CAPN13: variants seen among roughly 807,000 people sequenced by gnomAD.
CAPN13 encodes calpain 13, also known as calpain-13.
Under a neutral mutation model 98.4 loss-of-function variants are expected in CAPN13, and 90 were observed. The observed-to-expected ratio is 0.92, with a 90% confidence interval of 0.77 to 1.09. The LOEUF is 1.09. Among genes scored for constraint, CAPN13 ranks in the 50% least tolerant of loss-of-function variants. The probability of loss-of-function intolerance (pLI) is 0.00; values close to 1 mark genes in which losing one functional copy is unlikely to be tolerated. For synonymous variants in CAPN13, 330 were observed against 305.5 expected (o/e 1.08, Z -0.84); for missense variants, 887 against 841.3 (o/e 1.05, Z -0.67).
At chr2:30,795,944 T>G (rs1674834385) in intron 1 of CAPN13, among the ~76,000 whole-genome samples, 2 of 151,834 alleles carry the variant, frequency 1.3e-5, no homozygotes, top group Non-Finnish European at 2.9e-5. Context: ...TAATAATATT[T>G]TTATGAAGTC....
chr2:30,744,982 C>G (rs76925693), intron 12 of CAPN13, among the ~76,000 whole-genome samples: 59 of 152,336 alleles, frequency 3.9e-4, no homozygotes, highest in African/African-American at 1.4e-3. Context: ...CAGATCCTGA[C>G]CCCCGCTCTG....
chr2:30,795,698 T>C (rs1674822114), intron 1 of CAPN13, among the ~76,000 whole-genome samples: 1 of 152,148 alleles, frequency 6.6e-6, no homozygotes, highest in Non-Finnish European at 1.5e-5. Flanking sequence ...TCCCAGTTTG[T>C]GGCTTATCTT....
intron 1 of CAPN13, among the ~76,000 whole-genome samples, chr2:30,806,456 G>A (rs1166246333): frequency 1.3e-5 from 2 of 152,122 alleles, no homozygotes; most frequent in Admixed American, 1.3e-4. Context: ...GTCAAGGTGG[G>A]TACAAAGGTG....
At chr2:30,801,205 T>C (rs1558352953) in intron 1 of CAPN13, among the ~76,000 whole-genome samples, 1 of 152,196 alleles carries the variant, frequency 6.6e-6, no homozygotes, top group Non-Finnish European at 1.5e-5. Context: ...TTTTCCTTTC[T>C]TATTTTTAAG....
chr2:30,760,497 C>T (rs1371886625), intron 7 of CAPN13, among the ~76,000 whole-genome samples: 1 of 152,166 alleles, frequency 6.6e-6, no homozygotes, highest in Non-Finnish European at 1.5e-5. Context: ...CTAAACGAGG[C>T]ATGCAGATAA....
chr2:30,739,567 A>G (rs12470446), intron 15 of CAPN13, among the ~76,000 whole-genome samples: 80,009 of 151,940 alleles, frequency 0.53, 22,146 homozygotes, highest in African/African-American at 0.71. Flanking sequence ...CAGGAAAGTT[A>G]GTGTTGAGTG....
At chr2:30,801,774 G>C (rs1572894466) in intron 1 of CAPN13, among the ~76,000 whole-genome samples, 1 of 152,146 alleles carries the variant, frequency 6.6e-6, no homozygotes, top group African/African-American at 2.4e-5. Flanking sequence ...CTGAGGAAGA[G>C]AGTGGGAGGA....
At chr2:30,755,544 C>G (rs1672401228) in intron 8 of CAPN13, among the ~76,000 whole-genome samples, 2 of 152,118 alleles carry the variant, frequency 1.3e-5, no homozygotes, top group African/African-American at 4.8e-5. Flanking sequence ...CCTTGGGTCT[C>G]TGGTGAGGAA....
intron 8 of CAPN13, among the ~76,000 whole-genome samples, chr2:30,756,854 T>C (rs17324501): frequency 0.22 from 34,042 of 152,142 alleles, 3,861 homozygotes; most frequent in South Asian, 0.29. Flanking sequence ...ATTCTAGGAA[T>C]TCACTGTGCT....
chr2:30,746,002 G>A (rs568181865), intron 11 of CAPN13, among the ~76,000 whole-genome samples: 1 of 141,918 alleles, frequency 7.0e-6, no homozygotes, highest in African/African-American at 2.6e-5. Context: ...CTGGGTTCAA[G>A]CAATTCTCCT....
At chr2:30,730,864 C>T (rs1254221355) in intron 21 of CAPN13, 78 bp from the exon 22 acceptor site, 10 of 774,422 alleles carry the variant, frequency 1.3e-5, no homozygotes, top group Non-Finnish European at 2.4e-5. Flanking sequence ...TGCCACCCTC[C>T]TCCCTCGGAA....
chr2:30,731,244 AG>A, intron 21 of CAPN13, 99 bp downstream of exon 21: 1 of 1,096,752 alleles, frequency 9.1e-7, no homozygotes, highest in South Asian at 1.7e-5. Flanking sequence ...GGCCTTTGAC[AG>A]ACCGTTCAAT....
intron 1 of CAPN13, among the ~76,000 whole-genome samples, chr2:30,789,929 T>C (rs983228025): frequency 3.9e-5 from 6 of 152,200 alleles, no homozygotes; most frequent in African/African-American, 1.4e-4. Context: ...GTTACTGCTC[T>C]GCATTCACTA....
At chr2:30,785,915 T>C (rs976116028) in intron 2 of CAPN13, among the ~76,000 whole-genome samples, 1 of 152,166 alleles carries the variant, frequency 6.6e-6, no homozygotes, top group Non-Finnish European at 1.5e-5. Flanking sequence ...CAATGGCTGA[T>C]AAGAGGACCC....
chr2:30,790,782 A>G (rs1674567927), intron 1 of CAPN13, among the ~76,000 whole-genome samples: 1 of 152,186 alleles, frequency 6.6e-6, no homozygotes. Context: ...CGTTCCAATA[A>G]TGGAACACTA....
intron 18 of CAPN13, 67 bp from the exon 19 acceptor site, chr2:30,734,591 C>T (rs1230897881): frequency 7.7e-7 from 1 of 1,303,416 alleles, no homozygotes; most frequent in East Asian, 2.4e-5. Context: ...CCTTTTCCAT[C>T]CTGGGAGCTT....
intron 15 of CAPN13, chr2:30,741,237 GACT>G (rs1671637431): frequency 3.1e-6 from 1 of 322,942 alleles, no homozygotes; most frequent in Non-Finnish European, 4.5e-6. Context: ...GCTTCTGGGT[GACT>G]ACTACCCCAT....
chr2:30,796,224 GTA>G (rs537754339), intron 1 of CAPN13, among the ~76,000 whole-genome samples: 2,658 of 102,988 alleles, frequency 0.026, 89 homozygotes, highest in African/African-American at 0.089. Context: ...ACATATATAT[GTA>G]TATATATATG....
chr2:30,783,861 T>A (rs1159312317), intron 2 of CAPN13, among the ~76,000 whole-genome samples: 5 of 152,088 alleles, frequency 3.3e-5, no homozygotes, highest in African/African-American at 1.2e-4. Flanking sequence ...AGCTTGGCAG[T>A]CAACTTTCTA....
Sources: allele counts gnomAD v4.1 joint callset (sites outside exome capture counted in the v4.1 genomes callset), GRCh38; gene constraint gnomAD v4.1.1; transcripts MANE v1.5; gene names NCBI Gene and HGNC (gene_info 2026-07-23, HGNC 2026-07-21).